The following ALPK1 variants were observed in gnomAD, a reference collection of about 807,000 sequenced individuals.
ALPK1 encodes the protein alpha kinase 1, also known as alpha-protein kinase 1.
A neutral mutation model predicts 120.6 loss-of-function variants in ALPK1; 110 were observed. The observed-to-expected ratio is 0.91, with a 90% CI of 0.78 to 1.07. The LOEUF is 1.07. ALPK1 is among the 50% of genes least tolerant of loss of function. The pLI is 0.00. For synonymous variants in ALPK1, 582 were observed against 560.3 expected (o/e 1.04, Z -0.55); for missense variants, 1,498 against 1,483.9 (o/e 1.01, Z -0.16).
At chr4:112,306,550 G>T (rs1728069985) in intron 1 of ALPK1, among the ~76,000 whole-genome samples, 1 of 152,078 alleles carries the variant, frequency 6.6e-6, no homozygotes, top group African/African-American at 2.4e-5. Flanking sequence ...GGTGTTTATA[G>T]TATTCTCTGA....
chr4:112,398,573 A>T (rs1034513430), intron 4 of ALPK1, among the ~76,000 whole-genome samples: 4 of 152,196 alleles, frequency 2.6e-5, no homozygotes, highest in African/African-American at 9.7e-5. Flanking sequence ...TGCTGGAATT[A>T]TAGGCCTGAG....
chr4:112,305,625 C>CT (rs941240732), intron 1 of ALPK1, among the ~76,000 whole-genome samples: 7 of 151,934 alleles, frequency 4.6e-5, no homozygotes, highest in African/African-American at 1.7e-4. Context: ...CAGACGTTGC[C>CT]TATCAGTTTA....
intron 4 of ALPK1, among the ~76,000 whole-genome samples, chr4:112,404,369 A>C (rs781164611): frequency 2.6e-5 from 4 of 152,174 alleles, no homozygotes; most frequent in Non-Finnish European, 5.9e-5. Context: ...ACAATCTACC[A>C]AGCTCTGTGC....
chr4:112,429,263 T>C lies in ALPK1; in HGVS notation c.900+10T>C, dbSNP rs765175998. The C allele has an allele frequency of 4.4e-6, 7 of 1,603,218 alleles. No homozygotes were observed. Among genetic ancestry groups the C allele is most frequent in the Non-Finnish European group, 5.1e-6 (6 of 1,174,518 alleles). ...CGTGCTCACAGCTGTGGTAAACGAA[T>C]GCAGCCGCTCCTCAAACCCCCACAG... On this transcript the variant is annotated intron_variant, in intron 10 of 15. Coordinates refer to ENST00000650871, the MANE Select transcript of ALPK1 (RefSeq NM_025144.4).
chr4:112,325,011 A>C (rs931944596), intron 2 of ALPK1, among the ~76,000 whole-genome samples: 8 of 151,744 alleles, frequency 5.3e-5, no homozygotes, highest in Non-Finnish European at 7.4e-5. Flanking sequence ...CCCTTGAGGG[A>C]ATAGTTTCAA....
At chr4:112,420,981 C>A (rs1032510172) in intron 5 of ALPK1, among the ~76,000 whole-genome samples, 2 of 152,056 alleles carry the variant, frequency 1.3e-5, no homozygotes. Context: ...TACAGGTGCA[C>A]GCCACCATGC....
intron 2 of ALPK1, among the ~76,000 whole-genome samples, chr4:112,373,487 C>G (rs1377384751): frequency 6.6e-6 from 1 of 152,196 alleles, no homozygotes; most frequent in East Asian, 1.9e-4. Flanking sequence ...TGCAGAAATA[C>G]CTTTTTGAAG....
intron 2 of ALPK1, among the ~76,000 whole-genome samples, chr4:112,321,636 C>T (rs925274053): frequency 6.6e-6 from 1 of 152,124 alleles, no homozygotes; most frequent in Non-Finnish European, 1.5e-5. Flanking sequence ...TATTTAATTT[C>T]CATGTATTTG....
intron 2 of ALPK1, chr4:112,358,819 ACTTTGCCACCTTCACCCAGG>A: frequency 1.2e-6 from 1 of 814,560 alleles, no homozygotes; most frequent in South Asian, 1.3e-5. Flanking sequence ...AGCCAAGCCA[ACTTTGCCACCTTCACCCAGG>A]CCCTGCAGGA....
intron 2 of ALPK1, among the ~76,000 whole-genome samples, chr4:112,327,003 A>T (rs796557950): frequency 3.3e-5 from 5 of 152,334 alleles, no homozygotes; most frequent in African/African-American, 1.2e-4. Flanking sequence ...GTAGATCAAG[A>T]AGGGTCATTC....
intron 2 of ALPK1, among the ~76,000 whole-genome samples, chr4:112,373,177 CCT>C (rs1731493652): frequency 6.6e-6 from 1 of 152,190 alleles, no homozygotes; most frequent in African/African-American, 2.4e-5. Flanking sequence ...CCAATGTCTC[CCT>C]CTGTCAAGGA....
chr4:112,313,533 C>T (rs1728506202), intron 1 of ALPK1, among the ~76,000 whole-genome samples: 1 of 152,144 alleles, frequency 6.6e-6, no homozygotes, highest in Admixed American at 6.5e-5. Flanking sequence ...GACCAGACTG[C>T]CCAACATGGT....
chr4:112,301,010 C>A (rs756561562), intron 1 of ALPK1, among the ~76,000 whole-genome samples: 24 of 152,208 alleles, frequency 1.6e-4, no homozygotes, highest in Non-Finnish European at 1.2e-4. Flanking sequence ...CCAGCAAAAG[C>A]CTTGTCCATT....
At chr4:112,341,618 C>T (rs1025440523) in intron 2 of ALPK1, among the ~76,000 whole-genome samples, 8 of 152,032 alleles carry the variant, frequency 5.3e-5, no homozygotes, top group South Asian at 2.1e-4. Context: ...TCTCCTTTTA[C>T]GTCCAATAAT....
chr4:112,388,355 A>G (rs1023141303), intron 4 of ALPK1, among the ~76,000 whole-genome samples: 1 of 152,228 alleles, frequency 6.6e-6, no homozygotes, highest in Non-Finnish European at 1.5e-5. Context: ...GACTTTAGCA[A>G]AAGAAAGCAA....
chr4:112,412,372 T>A, intron 5 of ALPK1: 1 of 490,812 alleles, frequency 2.0e-6, no homozygotes. Flanking sequence ...AAAAGCAGAT[T>A]AGAATTCTAC....
chr4:112,400,380 A>G (rs1000588031), intron 4 of ALPK1, among the ~76,000 whole-genome samples: 1 of 152,216 alleles, frequency 6.6e-6, no homozygotes, highest in Non-Finnish European at 1.5e-5. Context: ...AATAAGGACC[A>G]TCTCTTCTCA....
At chr4:112,358,546 G>A in intron 2 of ALPK1, 1 of 699,686 alleles carries the variant, frequency 1.4e-6, no homozygotes. Context: ...TGTATATGGA[G>A]TATGAGCAGG....
Position 112,439,629 on chromosome 4 carries a change from T to TCCAAAGACTTGGTAAATTTACCCAAGG in ALPK1, c.3352-49_3352-48insTTGGTAAATTTACCCAAGGCCAAAGAC. 3 of 1,473,188 alleles carry TCCAAAGACTTGGTAAATTTACCCAAGG rather than the reference T, an allele frequency of 2.0e-6. No individual in the cohort carries two copies. In the Admixed American group the frequency reaches 6.9e-5, roughly 34 times the overall value. 91.3% of individuals were successfully genotyped at this position (1,473,188 alleles called of 1,614,324 possible). A position where few individuals can be genotyped will look rare whatever the true frequency, so the allele number is the denominator to read the frequency against. Reference sequence around the variant, plus strand: ...AGGTTCAAACCAAGATTTACCCAAGTCCAAAGACAATGGCCTTTACCATTA... The same window carrying TCCAAAGACTTGGTAAATTTACCCAAGG: ...AGGTTCAAACCAAGATTTACCCAAGTCCAAAGACTTGGTAAATTTACCCAAGGCCAAAGACAATGGCCTTTACCATTA... On this transcript the variant is annotated intron_variant, in intron 13 of 15. Coordinates refer to ENST00000650871, the MANE Select transcript of ALPK1 (RefSeq NM_025144.4).
Sources: gnomAD v4.1 joint callset for allele counts (sites outside exome capture counted in the v4.1 genomes callset) on GRCh38, gnomAD v4.1.1 for gene constraint, MANE v1.5 for transcripts, NCBI Gene and HGNC (gene_info 2026-07-23, HGNC 2026-07-21) for gene names.